SLC6A4: variants seen among roughly 807,000 people sequenced by gnomAD.
SLC6A4 encodes sodium-dependent serotonin transporter.
Under a neutral mutation model 73.4 loss-of-function variants are expected in SLC6A4, and 22 were observed. That is an observed-to-expected ratio of 0.30 (90% confidence interval 0.21 to 0.43). The LOEUF is 0.43. SLC6A4 is among the 20% of genes least tolerant of loss of function. The probability of loss-of-function intolerance (pLI) is 1.00; values close to 1 mark genes in which losing one functional copy is unlikely to be tolerated. For synonymous variants in SLC6A4, 270 were observed against 315.5 expected (o/e 0.86, Z 1.53); for missense variants, 593 against 808.5 (o/e 0.73, Z 3.23).
chr17:30,200,606 C>G (rs1033122431), intron 14 of SLC6A4, among the ~76,000 whole-genome samples: 1 of 152,136 alleles, frequency 6.6e-6, no homozygotes, highest in Non-Finnish European at 1.5e-5. Context: ...GGCTTCCCTC[C>G]CTCACACATA....
At position 30,215,762 on chromosome 17, in the gene SLC6A4, C is replaced by T. The variant is rs1427541959; in HGVS notation, c.973-48G>A. Reference sequence around the variant, plus strand: ...GCATGGGGTGAGGGGGAGACACAGGCTTACCCTGGCACCAACAGGGTCGCC... The same window carrying T: ...GCATGGGGTGAGGGGGAGACACAGGTTTACCCTGGCACCAACAGGGTCGCC... On this transcript the variant is annotated intron_variant, in intron 7 of 14. Transcript: ENST00000650711. The T allele has an allele frequency of 3.9e-6, 6 of 1,532,946 alleles. No homozygotes were observed. The Admixed American group carries it at 8.4e-5, about 21-fold the overall frequency. 95.0% of individuals were successfully genotyped at this position (1,532,946 alleles called of 1,614,324 possible).
intron 1 of SLC6A4, among the ~76,000 whole-genome samples, chr17:30,226,421 C>T (rs1197605808): frequency 6.6e-6 from 1 of 152,192 alleles, no homozygotes; most frequent in East Asian, 1.9e-4. Context: ...GCAGGCAAGC[C>T]GGGCCAGCTG....
At chr17:30,213,302 C>CTTTTTT (rs3034289) in intron 8 of SLC6A4, among the ~76,000 whole-genome samples, 1 of 129,812 alleles carries the variant, frequency 7.7e-6, no homozygotes. Context: ...ATTTTTTTTT[C>CTTTTTT]TTTTTTTTTT....
rs967619325 is a variant in SLC6A4 at position 30,209,201 on chromosome 17, C to A, written c.1491G>T (p.Thr497=). The change falls in exon 12 of 15, where the codon ACG becomes ACT. Residue 497 remains threonine, a synonymous_variant. Coordinates refer to ENST00000650711, the MANE Select transcript of SLC6A4 (RefSeq NM_001045.6). ...YVVKLLEEYA[T]GPAVLTVALI... ...GCGCGACAGTGAGCACTGCGGGCCCCGTGGCATACTCCTCCAGCAGCTTCA... is the reference window on the plus strand; with the variant it reads ...GCGCGACAGTGAGCACTGCGGGCCCAGTGGCATACTCCTCCAGCAGCTTCA... 6.2e-7 allele frequency: 1 copy of A among 1,613,818 alleles called. No individual in the cohort carries two copies. Among genetic ancestry groups the A allele is most frequent in the Non-Finnish European group, 8.5e-7 (1 of 1,179,846 alleles).
rs1905893720 is a variant in SLC6A4, at chr17:30,197,299, G to A, written c.*1157C>T. 1 of 152,404 alleles carries A rather than the reference G, an allele frequency of 6.6e-6. No homozygotes were observed. The highest frequency in any genetic ancestry group is 1.5e-5 in the Non-Finnish European group (1 of 68,070). 9.4% of individuals were successfully genotyped at this position (152,404 alleles called of 1,614,324 possible). ...AATCGTGACCGCCAGCGAGCGGCGA[G>A]GTCCACGTAAGGCTAACCCAGACTC... On this transcript the variant is annotated 3_prime_UTR_variant, in exon 15 of 15. Transcript: ENST00000650711.
chr17:30,201,427 AC>A (rs1906032707), intron 14 of SLC6A4, among the ~76,000 whole-genome samples: 1 of 152,056 alleles, frequency 6.6e-6, no homozygotes, highest in Non-Finnish European at 1.5e-5. Flanking sequence ...TTAGTGACAC[AC>A]TTTTGGGTGG....
chr17:30,212,364 G>T (rs1266382285), intron 9 of SLC6A4, among the ~76,000 whole-genome samples: 1 of 152,174 alleles, frequency 6.6e-6, no homozygotes, highest in Non-Finnish European at 1.5e-5. Flanking sequence ...GATCTCTAAG[G>T]CATCGAGCTT....
chr17:30,198,393 G>T lies in SLC6A4; in HGVS notation c.*63C>A. On this transcript the variant is annotated 3_prime_UTR_variant, in exon 15 of 15. Transcript: ENST00000650711. ...CATTCACTTGGAGGGGAGAAGGCAG[G>T]CGTGCCTCATCAGAACTGGAGGAGG... 1.1e-6 allele frequency: 1 copy of T among 900,492 alleles called. No homozygotes were observed. The highest frequency in any genetic ancestry group is 2.1e-5 in the Admixed American group (1 of 48,308). The allele number at this position is 900,492 out of a possible 1,614,324, so 55.8% of individuals were successfully genotyped here. A position where few individuals can be genotyped will look rare whatever the true frequency, so the allele number is the denominator to read the frequency against.
Position 30,197,243 on chromosome 17 carries a change from C to T in SLC6A4, c.*1213G>A, listed in dbSNP as rs1905891425. The T allele has an allele frequency of 6.6e-6, 1 of 152,354 alleles. No homozygotes were observed. The highest frequency in any genetic ancestry group is 2.4e-5 in the African/African-American group (1 of 41,450). 9.4% of individuals were successfully genotyped at this position (152,354 alleles called of 1,614,324 possible). On this transcript the variant is annotated 3_prime_UTR_variant, in exon 15 of 15. Transcript: ENST00000650711. ...CATTTCCCAAGCAGCCTTACTTAGA[C>T]TCAACCTTAAAAATTATCTGGAGGG...
intron 14 of SLC6A4, among the ~76,000 whole-genome samples, chr17:30,201,673 A>C (rs1380877836): frequency 6.6e-6 from 1 of 152,216 alleles, no homozygotes; most frequent in Admixed American, 6.5e-5. Flanking sequence ...CACGGGACCC[A>C]AGGCTCTTTA....
intron 1 of SLC6A4, among the ~76,000 whole-genome samples, chr17:30,232,479 C>T (rs1370221486): frequency 6.6e-6 from 1 of 152,218 alleles, no homozygotes; most frequent in Non-Finnish European, 1.5e-5. Flanking sequence ...CACTGGGTTG[C>T]GTCTCTCCTT....
chr17:30,228,213 T>G (rs1906985818), intron 1 of SLC6A4, among the ~76,000 whole-genome samples: 2 of 152,358 alleles, frequency 1.3e-5, no homozygotes, highest in Non-Finnish European at 1.5e-5. Context: ...TGTGTGACTT[T>G]GAGTAGGTCA....
At chr17:30,233,885 A>G (rs1907189299) in intron 1 of SLC6A4, among the ~76,000 whole-genome samples, 1 of 152,278 alleles carries the variant, frequency 6.6e-6, no homozygotes, top group Admixed American at 6.5e-5. Flanking sequence ...ACAACTAGGA[A>G]GGAGAAGGAG....
intron 11 of SLC6A4, among the ~76,000 whole-genome samples, chr17:30,210,271 A>C (rs1906342594): frequency 6.6e-6 from 1 of 152,206 alleles, no homozygotes; most frequent in African/African-American, 2.4e-5. Context: ...GAAGCCTGAA[A>C]TCTAGTGGGA....
At chr17:30,218,997 G>A in intron 3 of SLC6A4, 66 bp from the exon 4 acceptor site, 2 of 1,592,726 alleles carry the variant, frequency 1.3e-6, no homozygotes, top group Non-Finnish European at 1.7e-6. Flanking sequence ...CAACCAATCT[G>A]TGACTGAGAA....
At chr17:30,220,910 C>T (rs1334320115) in intron 3 of SLC6A4, among the ~76,000 whole-genome samples, 2 of 150,994 alleles carry the variant, frequency 1.3e-5, no homozygotes, top group Non-Finnish European at 2.9e-5. Flanking sequence ...CTTCACCCAG[C>T]TTCACAACCC....
chr17:30,216,258 G>A (rs1429889936), intron 6 of SLC6A4, 42 bp from the exon 7 acceptor site: 1 of 881,292 alleles, frequency 1.1e-6, no homozygotes, highest in Non-Finnish European at 1.7e-6. Flanking sequence ...TCCAGGGAGG[G>A]GAGGGGAGGG....
chr17:30,217,238 C>T lies in SLC6A4; in HGVS notation c.765G>A (p.Leu255=), dbSNP rs749022842. 32 of 1,613,918 alleles carry T rather than the reference C, an allele frequency of 2.0e-5. No homozygotes were observed. Among genetic ancestry groups the T allele is most frequent in the Non-Finnish European group, 2.6e-5 (31 of 1,179,920 alleles). ...LQDLGGISWQ[L]ALCIMLIFTV... is the part of the protein sequence containing the mutation. The stretch of plus-strand genomic sequence containing the variant: ...TGAAGATCAGCATGATGCAGAGGGC[C>T]AGCTGCCAGCTGATGCCCCCCAGGT... Residue 255 remains leucine, a synonymous_variant, in exon 6 of 15, where the codon CTG becomes CTA. Transcript: ENST00000650711.
chr17:30,226,019 G>A (rs1906915089), intron 1 of SLC6A4, among the ~76,000 whole-genome samples: 1 of 152,196 alleles, frequency 6.6e-6, no homozygotes, highest in South Asian at 2.1e-4. Context: ...CTTTGGAAAT[G>A]CCTGTGACGC....
Sources: gnomAD v4.1 joint callset for allele counts (sites outside exome capture counted in the v4.1 genomes callset) on GRCh38, gnomAD v4.1.1 for gene constraint, MANE v1.5 for transcripts, NCBI Gene and HGNC (gene_info 2026-07-23, HGNC 2026-07-21) for gene names.